IQCM: variants seen among roughly 807,000 people sequenced by gnomAD.
IQCM encodes the protein IQ motif containing M.
Under a neutral mutation model 57.6 loss-of-function variants are expected in IQCM, and 45 were observed. The observed-to-expected ratio is 0.78, with a 90% CI of 0.62 to 1.00. The LOEUF is 1.00. IQCM is among the 50% of genes least tolerant of loss of function. The pLI is 0.00. For missense variants in IQCM, 468 were observed against 511.6 expected (o/e 0.91, Z 0.82); for synonymous variants, 148 against 158.9 (o/e 0.93, Z 0.51).
intron 8 of IQCM, among the ~76,000 whole-genome samples, chr4:149,606,799 C>T (rs1383471381): frequency 1.3e-5 from 2 of 151,962 alleles, no homozygotes; most frequent in Non-Finnish European, 2.9e-5. Context: ...TCCCTCAATG[C>T]AGAATTGCTC....
intron 5 of IQCM, 56 bp from the exon 6 acceptor site, chr4:149,686,524 A>G (rs1677292149): frequency 4.4e-6 from 3 of 676,774 alleles, no homozygotes; most frequent in Non-Finnish European, 6.2e-6. Context: ...TTGTAAGTGC[A>G]TTTTTCAAAT....
chr4:149,753,255 TA>T (rs1265904987), intron 2 of IQCM, among the ~76,000 whole-genome samples: 6 of 149,064 alleles, frequency 4.0e-5, no homozygotes, highest in African/African-American at 1.2e-4. Context: ...ACGAAAACAA[TA>T]AAAAAAATGA....
intron 13 of IQCM, among the ~76,000 whole-genome samples, chr4:149,362,794 A>C (rs888970645): frequency 6.6e-6 from 1 of 152,208 alleles, no homozygotes; most frequent in African/African-American, 2.4e-5. Flanking sequence ...AGAATTTCTC[A>C]AAGGGATACA....
intron 12 of IQCM, among the ~76,000 whole-genome samples, chr4:149,519,211 A>G (rs752986945): frequency 7.2e-5 from 11 of 152,196 alleles, no homozygotes; most frequent in Non-Finnish European, 1.6e-4. Flanking sequence ...TTCATTTTCT[A>G]CTGGTGTTTA....
rs879562468 is a variant in IQCM, at chr4:149,519,645, CA to C, written c.1228+28809del. On this transcript the variant is annotated intron_variant, in intron 12 of 13. Coordinates refer to ENST00000636793, the MANE Select transcript of IQCM (RefSeq NM_001363507.2). ...TGGGCAACAGAGCGAGACTCTGTCT[CA>C]AAAAAAAAAAGATTGCTTTCTTAAA... Among the ~76,000 whole-genome samples, 78 of 141,358 alleles carry C rather than the reference CA, an allele frequency of 5.5e-4. 1 individual carries two copies. Among genetic ancestry groups the C allele is most frequent in the South Asian group, 4.9e-3 (22 of 4,476 alleles). The allele number at this position is 141,358 out of a possible 152,430, so 92.7% of individuals were successfully genotyped here.
At position 149,744,701 on chromosome 4, in the gene IQCM, T is replaced by C. The variant is rs17026413; in HGVS notation, c.-48-1962A>G. 9.0e-3 allele frequency among the ~76,000 whole-genome samples: 1,362 copies of C among 151,746 alleles called. 10 individuals are homozygous for C. The highest frequency in any genetic ancestry group is 0.03 in the African/African-American group (1,261 of 41,366). On this transcript the variant is annotated intron_variant, in intron 2 of 13. Transcript: ENST00000636793. ...CACAATGACACAAAATATCAGCAAA[T>C]GGGGCCCCTCTCCACTTTAAGTCTC...
chr4:149,773,314 T>C (rs573600850), intron 2 of IQCM, among the ~76,000 whole-genome samples: 2 of 150,426 alleles, frequency 1.3e-5, no homozygotes, highest in South Asian at 2.1e-4. Flanking sequence ...ATGGTGCCAC[T>C]GCACTCCAGC....
chr4:149,470,021 G>T (rs562892130), intron 12 of IQCM, among the ~76,000 whole-genome samples: 1 of 152,258 alleles, frequency 6.6e-6, no homozygotes, highest in South Asian at 2.1e-4. Context: ...GCAAAAACAT[G>T]CCACATTGTA....
chr4:149,384,331 A>C (rs570704384), intron 13 of IQCM, among the ~76,000 whole-genome samples: 8 of 152,276 alleles, frequency 5.3e-5, no homozygotes, highest in African/African-American at 1.9e-4. Flanking sequence ...CAGCAGATGA[A>C]GGAAGAATTC....
chr4:149,590,962 A>G lies in IQCM; in HGVS notation c.682-2965T>C, dbSNP rs1284952895. 2.6e-5 allele frequency among the ~76,000 whole-genome samples: 4 copies of G among 151,938 alleles called. No homozygotes were observed. In the East Asian group the frequency reaches 7.7e-4, roughly 29 times the overall value. On this transcript the variant is annotated intron_variant, in intron 8 of 13. Coordinates refer to ENST00000636793, the MANE Select transcript of IQCM (RefSeq NM_001363507.2). The stretch of plus-strand genomic sequence containing the variant: ...AATGATTTATCATCCTTCTTTAAAA[A>G]CCTGGTCTTCCCAGGCCAATGCATT...
chr4:149,665,638 C>T (rs760530295), intron 7 of IQCM, among the ~76,000 whole-genome samples: 12 of 152,132 alleles, frequency 7.9e-5, no homozygotes, highest in Non-Finnish European at 1.6e-4. Flanking sequence ...CACTTGCCTA[C>T]GAGCTCATTT....
At chr4:149,463,533 T>C (rs546841297) in intron 12 of IQCM, among the ~76,000 whole-genome samples, 1 of 152,288 alleles carries the variant, frequency 6.6e-6, no homozygotes, top group South Asian at 2.1e-4. Flanking sequence ...AGGGCAAAGA[T>C]GAGTCTTTTC....
intron 2 of IQCM, among the ~76,000 whole-genome samples, chr4:149,811,266 C>T (rs1311674355): frequency 6.6e-6 from 1 of 152,084 alleles, no homozygotes; most frequent in Non-Finnish European, 1.5e-5. Context: ...TTCTTTCCAT[C>T]AACAGAGTTT....
At chr4:149,598,401 AT>A (rs1392840313) in intron 8 of IQCM, among the ~76,000 whole-genome samples, 1 of 152,200 alleles carries the variant, frequency 6.6e-6, no homozygotes, top group African/African-American at 2.4e-5. Context: ...TTATTAAAAA[AT>A]AAAAACAAAA....
At chr4:149,415,747 T>C (rs1292537660) in intron 13 of IQCM, among the ~76,000 whole-genome samples, 2 of 152,136 alleles carry the variant, frequency 1.3e-5, no homozygotes, top group Non-Finnish European at 2.9e-5. Flanking sequence ...TCTGCAAGGA[T>C]AGCTTTTCAT....
At chr4:149,564,660 G>A (rs950883323) in intron 9 of IQCM, among the ~76,000 whole-genome samples, 5 of 152,088 alleles carry the variant, frequency 3.3e-5, no homozygotes, top group African/African-American at 1.2e-4. Context: ...AGTCTCCTAG[G>A]CTATATTTTT....
chr4:149,809,677 G>A (rs900070297), intron 2 of IQCM, among the ~76,000 whole-genome samples: 1 of 152,126 alleles, frequency 6.6e-6, no homozygotes, highest in Admixed American at 6.6e-5. Flanking sequence ...ACTGATCCTT[G>A]CCACATTAGG....
intron 9 of IQCM, among the ~76,000 whole-genome samples, chr4:149,571,475 A>G (rs1047726192): frequency 6.6e-6 from 1 of 152,098 alleles, no homozygotes; most frequent in Non-Finnish European, 1.5e-5. Context: ...TGGCAAAAAG[A>G]GCTGGAGCAT....
intron 13 of IQCM, among the ~76,000 whole-genome samples, chr4:149,354,350 C>T (rs1402918897): frequency 7.9e-5 from 4 of 50,436 alleles, no homozygotes; most frequent in South Asian, 1.1e-3. Flanking sequence ...GGCGACAGAG[C>T]GAGACTCCGT....
Sources: gnomAD v4.1 joint callset for allele counts (sites outside exome capture counted in the v4.1 genomes callset) on GRCh38, gnomAD v4.1.1 for gene constraint, MANE v1.5 for transcripts, NCBI Gene and HGNC (gene_info 2026-07-23, HGNC 2026-07-21) for gene names.